The following RTN1 variants were observed in gnomAD, a reference collection of about 807,000 sequenced individuals.
The protein encoded by RTN1 is reticulon-1.
A neutral mutation model predicts 65.5 loss-of-function variants in RTN1; 25 were observed. The observed-to-expected ratio is 0.38, with a 90% CI of 0.28 to 0.53. RTN1 has a LOEUF of 0.53. Among genes scored for constraint, RTN1 ranks in the 20% least tolerant of loss-of-function variants. The pLI, the probability that RTN1 is intolerant of heterozygous loss-of-function variation, is 0.79. For missense variants in RTN1, 983 were observed against 1,025.4 expected, an observed-to-expected ratio of 0.96 and a Z score of 0.57; for synonymous variants, 471 against 447.6, an observed-to-expected ratio of 1.05 and a Z score of -0.66.
At chr14:59,680,370 T>A (rs1883720215) in intron 3 of RTN1, among the ~76,000 whole-genome samples, 1 of 152,174 alleles carries the variant, frequency 6.6e-6, no homozygotes, top group Non-Finnish European at 1.5e-5. Flanking sequence ...TAGGGAAGTG[T>A]GTTTTGAATT....
chr14:59,605,159 AC>A, intron 5 of RTN1: 1 of 484,592 alleles, frequency 2.1e-6, no homozygotes, highest in South Asian at 3.5e-5. Context: ...TCACTGGGCA[AC>A]CCTGGACAAA....
intron 3 of RTN1, among the ~76,000 whole-genome samples, chr14:59,660,517 G>C (rs1209842774): frequency 2.6e-5 from 4 of 152,112 alleles, no homozygotes; most frequent in Non-Finnish European, 4.4e-5. Flanking sequence ...AAATGCAAAA[G>C]AACAGAAATC....
At chr14:59,652,981 GAGAA>G (rs1470046395) in intron 3 of RTN1, among the ~76,000 whole-genome samples, 1 of 151,930 alleles carries the variant, frequency 6.6e-6, no homozygotes, top group Non-Finnish European at 1.5e-5. Flanking sequence ...AAAGAGAGAG[GAGAA>G]AGAAAGAAAC....
intron 3 of RTN1, among the ~76,000 whole-genome samples, chr14:59,681,436 C>A (rs1883743503): frequency 6.6e-6 from 1 of 152,090 alleles, no homozygotes; most frequent in South Asian, 2.1e-4. Context: ...TTTTTTCAAC[C>A]CTTTTTTCTA....
intron 3 of RTN1, among the ~76,000 whole-genome samples, chr14:59,721,599 G>C (rs1189258314): frequency 6.6e-6 from 1 of 152,192 alleles, no homozygotes; most frequent in Non-Finnish European, 1.5e-5. Flanking sequence ...AAGGTGCTGA[G>C]GTACCTGGTC....
intron 1 of RTN1, among the ~76,000 whole-genome samples, chr14:59,813,627 C>T (rs935432709): frequency 7.2e-5 from 11 of 151,844 alleles, no homozygotes; most frequent in South Asian, 4.2e-4. Flanking sequence ...AGTGTAATTC[C>T]GGAAAAAAGA....
intron 3 of RTN1, chr14:59,630,945 T>C: frequency 1.6e-6 from 1 of 608,522 alleles, no homozygotes; most frequent in African/African-American, 2.0e-5. Context: ...ATATGCGAGG[T>C]GCATATTCTA....
At chr14:59,759,614 CA>C (rs1198928985) in intron 1 of RTN1, among the ~76,000 whole-genome samples, 4 of 151,508 alleles carry the variant, frequency 2.6e-5, no homozygotes, top group Admixed American at 2.0e-4. Flanking sequence ...GACACCTCAA[CA>C]AATAATTAGA....
At chr14:59,819,292 C>A (rs543732846) in intron 1 of RTN1, among the ~76,000 whole-genome samples, 3 of 151,548 alleles carry the variant, frequency 2.0e-5, no homozygotes, top group Non-Finnish European at 2.9e-5. Flanking sequence ...GCAGTTGGGG[C>A]TCGGGTGGCG....
At chr14:59,683,680 T>A (rs1449556887) in intron 3 of RTN1, among the ~76,000 whole-genome samples, 2 of 152,152 alleles carry the variant, frequency 1.3e-5, no homozygotes, top group Non-Finnish European at 2.9e-5. Context: ...TAGTATTCTA[T>A]CTCCATAGTA....
chr14:59,823,121 A>G (rs544215099), intron 1 of RTN1, among the ~76,000 whole-genome samples: 55 of 152,264 alleles, frequency 3.6e-4, no homozygotes, highest in African/African-American at 1.1e-3. Context: ...GACTCCCACC[A>G]TTATTGTGTA....
chr14:59,602,471 A>T (rs1881609557), intron 8 of RTN1, among the ~76,000 whole-genome samples: 1 of 152,110 alleles, frequency 6.6e-6, no homozygotes, highest in Non-Finnish European at 1.5e-5. Context: ...GTAAAACTGA[A>T]ATCTCTATCT....
chr14:59,763,886 A>C (rs1026987778), intron 1 of RTN1, among the ~76,000 whole-genome samples: 2 of 152,200 alleles, frequency 1.3e-5, no homozygotes, highest in African/African-American at 4.8e-5. Flanking sequence ...TTAAAATACT[A>C]CATTCTCCTG....
intron 1 of RTN1, among the ~76,000 whole-genome samples, chr14:59,792,394 C>CACAA (rs1886364881): frequency 6.7e-6 from 1 of 149,050 alleles, no homozygotes; most frequent in Admixed American, 6.8e-5. Context: ...CACACACACA[C>CACAA]ACATTCTGAG....
chr14:59,842,056 G>A (rs2139653069), intron 1 of RTN1, among the ~76,000 whole-genome samples: 1 of 151,960 alleles, frequency 6.6e-6, no homozygotes, highest in African/African-American at 2.4e-5. Context: ...AACCCGGGAG[G>A]TGGAGGTTGC....
At chr14:59,603,805 T>C in intron 6 of RTN1, 47 bp downstream of exon 6, 2 of 1,505,738 alleles carry the variant, frequency 1.3e-6, no homozygotes, top group Non-Finnish European at 1.8e-6. Context: ...AGCAGCGTTT[T>C]CACAGAGGGG....
chr14:59,754,664 A>G (rs1885599689), intron 1 of RTN1, among the ~76,000 whole-genome samples: 1 of 152,216 alleles, frequency 6.6e-6, no homozygotes, highest in South Asian at 2.1e-4. Context: ...GAACACACTC[A>G]ATAAATGAGA....
chr14:59,714,379 C>T (rs1471248533), intron 3 of RTN1, among the ~76,000 whole-genome samples: 1 of 152,028 alleles, frequency 6.6e-6, no homozygotes, highest in Non-Finnish European at 1.5e-5. Context: ...AATAAATAAC[C>T]CCAACATTTC....
At chr14:59,706,751 G>A (rs2139453261) in intron 3 of RTN1, among the ~76,000 whole-genome samples, 1 of 152,312 alleles carries the variant, frequency 6.6e-6, no homozygotes, top group African/African-American at 2.4e-5. Flanking sequence ...GATGCTCAAT[G>A]TTCTGCTCAA....
Sources: gnomAD v4.1 joint callset for allele counts (sites outside exome capture counted in the v4.1 genomes callset) on GRCh38, gnomAD v4.1.1 for gene constraint, MANE v1.5 for transcripts, NCBI Gene and HGNC (gene_info 2026-07-23, HGNC 2026-07-21) for gene names.